The following NOS3 variants were observed in gnomAD, a reference collection of about 807,000 sequenced individuals.
NOS3 encodes nitric oxide synthase 3.
Under a neutral mutation model 144.9 loss-of-function variants are expected in NOS3, and 98 were observed. That is an observed-to-expected ratio of 0.68 (90% CI 0.57 to 0.80). The LOEUF (loss-of-function observed/expected upper bound fraction) is 0.80, where lower values mean the gene tolerates loss of function less well. Ranked by LOEUF, NOS3 falls within the 30% of genes least tolerant of loss-of-function variation. NOS3 has a pLI of 0.00. For synonymous variants in NOS3, 714 were observed against 702.4 expected (o/e 1.02, Z -0.26); for missense variants, 1,465 against 1,656.4 (o/e 0.88, Z 2.01).
Position 150,999,085 on chromosome 7 carries a change from C to T in NOS3, c.956C>T (p.Thr319Met), listed in dbSNP as rs750576672. ...LVLEVPLEHP[T>M]LEWFAALGLR... ...CTTGAGGTGCCCCTGGAGCACCCCA[C>T]GTGAGCACCAAAGGGATTGACTGGG... The change falls in exon 8 of 27, where the codon ACG becomes ATG. Residue 319 changes from threonine (T) to methionine (M), a missense_variant and splice_region_variant. Physicochemically the swap from Thr to Met is moderately conservative, Grantham distance 81 (BLOSUM62 -1). Around this residue, in one of 5 missense-constraint regions of NOS3, gnomAD observed 745 missense variants for 853.9 expected, o/e 0.87. Coordinates refer to ENST00000297494, the MANE Select transcript of NOS3 (RefSeq NM_000603.5). The T allele has an allele frequency of 6.2e-6, 10 of 1,612,520 alleles. No homozygotes were observed. The highest frequency in any genetic ancestry group is 2.2e-5 in the East Asian group (1 of 44,888).
chr7:151,010,847 T>C, intron 22 of NOS3, 40 bp downstream of exon 22: 1 of 1,607,222 alleles, frequency 6.2e-7, no homozygotes, highest in Non-Finnish European at 8.5e-7. Flanking sequence ...CACAGCAGGG[T>C]TGGGACCGGC....
Position 151,010,185 on chromosome 7 carries a change from C to A in NOS3, c.2583C>A (p.Phe861Leu). Residue 861 changes from phenylalanine to leucine, a missense_variant, in exon 21 of 27, where the codon TTC becomes TTA. Physicochemically the swap from Phe to Leu is conservative, Grantham distance 22. This residue lies in a region of NOS3 where 745 missense variants were observed against 853.9 expected (regional missense o/e 0.87). Coordinates refer to ENST00000297494, the MANE Select transcript of NOS3 (RefSeq NM_000603.5). ...PPCTLRQALT[F>L]FLDITSPPSP... ...GCACGCTGCGCCAGGCTCTCACCTT[C>A]TTCCTGGACATCACCTCCCCACCCA... 1 of 1,612,022 alleles carries A rather than the reference C, an allele frequency of 6.2e-7. No homozygotes were observed. Among genetic ancestry groups the A allele is most frequent in the Admixed American group, 1.7e-5 (1 of 60,026 alleles).
chr7:151,012,965 G>A (rs1795339022), intron 24 of NOS3: 1 of 513,434 alleles, frequency 1.9e-6, no homozygotes, highest in Admixed American at 3.7e-5. Context: ...CAAAGGGCAT[G>A]GAATTCTGAG....
intron 9 of NOS3, among the ~76,000 whole-genome samples, 160 bp from the exon 10 acceptor site, chr7:151,000,338 C>T (rs1215532039): frequency 6.6e-6 from 1 of 152,100 alleles, no homozygotes; most frequent in Non-Finnish European, 1.5e-5. Context: ...GGTGCCTTCG[C>T]AGGCAAAAAC....
rs1051849158 is a variant in NOS3 at position 151,003,789 on chromosome 7, G to A, written c.1752+1485G>A. ...TTTTGAGGCGCACTCGTGTTGCTGCGTGACTCAGTATTTCACTCATTCTGC... is the reference window on the plus strand; with the variant it reads ...TTTTGAGGCGCACTCGTGTTGCTGCATGACTCAGTATTTCACTCATTCTGC... On this transcript the variant is annotated intron_variant, in intron 14 of 26. Coordinates refer to ENST00000297494, the MANE Select transcript of NOS3 (RefSeq NM_000603.5). This position sits in a 1 kb window ranked among gnomAD's most constrained non-coding sequence, Gnocchi z 4.1. 4.1e-5 allele frequency: 19 copies of A among 466,100 alleles called. No individual in the cohort carries two copies. Among genetic ancestry groups the A allele is most frequent in the Middle Eastern group, 3.3e-4 (1 of 3,074 alleles). The allele number at this position is 466,100 out of a possible 1,614,324, so 28.9% of individuals were successfully genotyped here.
chr7:151,002,453 C>T lies in NOS3; in HGVS notation c.1752+149C>T, dbSNP rs529794433. On this transcript the variant is annotated intron_variant, in intron 14 of 26. Coordinates refer to ENST00000297494, the MANE Select transcript of NOS3 (RefSeq NM_000603.5). The surrounding 1 kb of genome is among the most constrained non-coding windows in gnomAD (Gnocchi z 4.1). ...ACACACACACACACACACACACACA[C>T]GCCAGGATGGAAAGGGAGATGCTAA... The T allele has an allele frequency of 5.0e-4, 247 of 495,248 alleles. No homozygotes were observed. Among genetic ancestry groups the T allele is most frequent in the Non-Finnish European group, 7.5e-4 (207 of 276,874 alleles). The allele number at this position is 495,248 out of a possible 1,614,324, so 30.7% of individuals were successfully genotyped here. A position where few individuals can be genotyped will look rare whatever the true frequency, so the allele number is the denominator to read the frequency against.
In NOS3 at chr7:151,003,105, C is replaced by G. The variant is rs1795144539; in HGVS notation, c.1752+801C>G. ...CTAGGTGTTAAAGGCCTTATTAGCA[C>G]TAAGTACTTCCTCAGTACTCTTTTT... On this transcript the variant is annotated intron_variant, in intron 14 of 26. Coordinates refer to ENST00000297494, the MANE Select transcript of NOS3 (RefSeq NM_000603.5). This position sits in a 1 kb window ranked among gnomAD's most constrained non-coding sequence, Gnocchi z 4.1. 1 of 446,078 alleles carries G rather than the reference C, an allele frequency of 2.2e-6. No homozygotes were observed. The highest frequency in any genetic ancestry group is 2.0e-5 in the African/African-American group (1 of 49,722). 27.6% of individuals were successfully genotyped at this position (446,078 alleles called of 1,614,324 possible).
chr7:151,000,123 T>TGG (rs1199194049), intron 9 of NOS3, among the ~76,000 whole-genome samples: 1 of 46,550 alleles, frequency 2.1e-5, no homozygotes, highest in Non-Finnish European at 4.1e-5. Flanking sequence ...TGGGTGGGTG[T>TGG]GGGTGTGAGT....
Position 151,003,717 on chromosome 7 carries a change from A to T in NOS3, c.1752+1413A>T, listed in dbSNP as rs1411911262. On this transcript the variant is annotated intron_variant, in intron 14 of 26. Transcript: ENST00000297494. The surrounding 1 kb of genome is among the most constrained non-coding windows in gnomAD (Gnocchi z 4.1). Reference sequence around the variant, plus strand: ...ATAGTTTCGCCTGCTCTAGAACGGCACCTAGATGGAAGCACGCAGTGTTGC... The same window carrying T: ...ATAGTTTCGCCTGCTCTAGAACGGCTCCTAGATGGAAGCACGCAGTGTTGC... 2.0e-6 allele frequency: 1 copy of T among 510,132 alleles called. No individual in the cohort carries two copies. The highest frequency in any genetic ancestry group is 2.0e-5 in the African/African-American group (1 of 50,524). 31.6% of individuals were successfully genotyped at this position (510,132 alleles called of 1,614,324 possible).
intron 23 of NOS3, 40 bp downstream of exon 23, chr7:151,011,026 T>C (rs1231052703): frequency 9.6e-6 from 14 of 1,464,138 alleles, no homozygotes; most frequent in African/African-American, 1.4e-5. Context: ...CTGCCCAGGG[T>C]CAGGGTGGCA....
intron 25 of NOS3, 90 bp from the exon 26 acceptor site, chr7:151,013,634 G>T: frequency 7.8e-7 from 1 of 1,279,832 alleles, no homozygotes; most frequent in Non-Finnish European, 1.1e-6. Context: ...CCGCTCCGGA[G>T]ACTTTCACGT....
intron 17 of NOS3, among the ~76,000 whole-genome samples, 197 bp downstream of exon 17, chr7:151,007,473 A>G (rs1795223753): frequency 6.6e-6 from 1 of 152,212 alleles, no homozygotes; most frequent in Non-Finnish European, 1.5e-5. Context: ...AGGGGTGCCT[A>G]GCCCAGGCAG....
rs912569764 is a variant in NOS3 at position 150,998,135 on chromosome 7, GGGA to G, written c.583-220_583-218del. 6.6e-6 allele frequency among the ~76,000 whole-genome samples: 1 copy of G among 152,208 alleles called. No homozygotes were observed. Among genetic ancestry groups the G allele is most frequent in the African/African-American group, 2.4e-5 (1 of 41,458 alleles). ...TACCAAGTCAGCTTCCATAGGGATGGGGAGACACCTGGCCCAGGGAGGAGATGA... is the reference window on the plus strand; with the variant it reads ...TACCAAGTCAGCTTCCATAGGGATGGGACACCTGGCCCAGGGAGGAGATGA... On this transcript the variant is annotated intron_variant, in intron 5 of 26. Coordinates refer to ENST00000297494, the MANE Select transcript of NOS3 (RefSeq NM_000603.5). The surrounding 1 kb of genome is among the most constrained non-coding windows in gnomAD (Gnocchi z 5.0).
intron 23 of NOS3, chr7:151,011,817 C>G (rs1404340575): frequency 4.5e-6 from 2 of 443,730 alleles, no homozygotes; most frequent in Admixed American, 4.9e-5. Flanking sequence ...AGCCACCGCG[C>G]CCGGACCGAG....
intron 1 of NOS3, among the ~76,000 whole-genome samples, chr7:150,992,849 C>T (rs1336988415): frequency 1.3e-5 from 2 of 152,208 alleles, no homozygotes; most frequent in Non-Finnish European, 2.9e-5. Flanking sequence ...TCCAGCCCCT[C>T]AGATGGCACA....
At chr7:151,013,093 A>G (rs1795342048) in intron 24 of NOS3, 138 bp from the exon 25 acceptor site, 1 of 908,382 alleles carries the variant, frequency 1.1e-6, no homozygotes, top group Non-Finnish European at 1.7e-6. Flanking sequence ...ACACTCTCTT[A>G]GAGATGAAAC....
In NOS3 at chr7:151,002,072, A is replaced by C. The variant is rs3730003; in HGVS notation, c.1647+107A>C. The C allele has an allele frequency of 2.1e-3, 3,142 of 1,482,020 alleles. 59 individuals are homozygous for C. The African/African-American group carries it at 0.038, about 18-fold the overall frequency. The allele number at this position is 1,482,020 out of a possible 1,614,324, so 91.8% of individuals were successfully genotyped here. On this transcript the variant is annotated intron_variant, in intron 13 of 26. Transcript: ENST00000297494. The surrounding 1 kb of genome is among the most constrained non-coding windows in gnomAD (Gnocchi z 4.1). ...GTGTTACAAGTCAGGACTCATGAGG[A>C]ACCCGGAACCACAGGTGTTCAGAGA... is the stretch of plus-strand genomic sequence containing the variant.
Position 150,999,324 on chromosome 7 carries a change from C to A in NOS3, c.1091C>A (p.Thr364Lys). The A allele has an allele frequency of 6.2e-7, 1 of 1,604,964 alleles. No homozygotes were observed. The highest frequency in any genetic ancestry group is 8.5e-7 in the Non-Finnish European group (1 of 1,176,328). ...TGGTACATGAGCACTGAGATCGGCA[C>A]GAGGAACCTGTGTGACCCTCACCGC... ...SGWYMSTEIG[T>K]RNLCDPHRYN... The change falls in exon 9 of 27, where the codon ACG (threonine) becomes AAG (lysine). Residue 364 changes from threonine to lysine, a missense_variant. Around this residue, in one of 5 missense-constraint regions of NOS3, gnomAD observed 745 missense variants for 853.9 expected, o/e 0.87. Transcript: ENST00000297494.
In NOS3 at chr7:151,009,077, C is replaced by T. The variant is rs756575103; in HGVS notation, c.2245+15C>T. 4 of 1,612,792 alleles carry T rather than the reference C, an allele frequency of 2.5e-6. No individual in the cohort carries two copies. The African/African-American group carries it at 4.0e-5, about 16-fold the overall frequency. ...GTTGCTGCCAGGTGGGCCCTGCCCT[C>T]ACCCTAACCCGGCTGGTTCTCTGAG... On this transcript the variant is annotated intron_variant, in intron 18 of 26. Coordinates refer to ENST00000297494, the MANE Select transcript of NOS3 (RefSeq NM_000603.5).
Sources: allele counts gnomAD v4.1 joint callset (sites outside exome capture counted in the v4.1 genomes callset), GRCh38; gene constraint gnomAD v4.1.1; regional missense constraint gnomAD v4.1.1; non-coding constraint Gnocchi (gnomAD v3.1); transcripts MANE v1.5; gene names NCBI Gene and HGNC (gene_info 2026-07-23, HGNC 2026-07-21).